Variants in FOXN3 observed in about 807,000 individuals in gnomAD.
The protein encoded by FOXN3 is forkhead box N3.
FOXN3 carries 7 observed loss-of-function variants against 38.4 expected under a neutral mutation model. The observed-to-expected ratio is 0.18, with a 90% confidence interval of 0.10 to 0.34. The LOEUF is 0.34. Ranked by LOEUF, FOXN3 falls within the 10% of genes least tolerant of loss-of-function variation. The pLI, the probability that FOXN3 is intolerant of heterozygous loss-of-function variation, is 1.00. For synonymous variants in FOXN3, 230 were observed against 242.2 expected (o/e 0.95, Z 0.47); for missense variants, 456 against 613.4 (o/e 0.74, Z 2.71).
chr14:89,254,151 A>G (rs1050740268), intron 4 of FOXN3, among the ~76,000 whole-genome samples: 3 of 152,204 alleles, frequency 2.0e-5, no homozygotes, highest in African/African-American at 7.2e-5. Context: ...GTAAAGCAGG[A>G]TCATAATGGC....
intron 2 of FOXN3, chr14:89,401,745 A>G: frequency 2.3e-6 from 1 of 441,866 alleles, no homozygotes; most frequent in Admixed American, 2.4e-5. Context: ...TAAATCACTT[A>G]TCGGTCCTGT....
At chr14:89,394,760 C>G (rs750046255) in intron 2 of FOXN3, among the ~76,000 whole-genome samples, 1 of 152,154 alleles carries the variant, frequency 6.6e-6, no homozygotes, top group Non-Finnish European at 1.5e-5. Flanking sequence ...TCTCTAATCC[C>G]GGGGTCCCAT....
At chr14:89,521,600 GA>G (rs1201982023) in intron 1 of FOXN3, among the ~76,000 whole-genome samples, 2 of 152,152 alleles carry the variant, frequency 1.3e-5, no homozygotes, top group East Asian at 3.9e-4. Context: ...AAGTCAATAT[GA>G]AGAAATAATG....
chr14:89,550,133 T>A (rs1013280730), intron 1 of FOXN3, among the ~76,000 whole-genome samples: 2 of 152,132 alleles, frequency 1.3e-5, no homozygotes, highest in Admixed American at 6.5e-5. Context: ...AGGCACTGAC[T>A]GAGCACCCAT....
chr14:89,555,888 T>TGTGTGTGTGC (rs1895113411), intron 1 of FOXN3, among the ~76,000 whole-genome samples: 1 of 119,562 alleles, frequency 8.4e-6, no homozygotes, highest in Non-Finnish European at 1.9e-5. Context: ...TGTGGGGGTG[T>TGTGTGTGTGC]ATGTGGGGGT....
At chr14:89,259,250 C>CT (rs1885722281) in intron 4 of FOXN3, among the ~76,000 whole-genome samples, 1 of 152,230 alleles carries the variant, frequency 6.6e-6, no homozygotes, top group Non-Finnish European at 1.5e-5. Flanking sequence ...TGCTGTATGA[C>CT]TGATGATCTC....
At chr14:89,578,413 T>C (rs1895676864) in intron 1 of FOXN3, among the ~76,000 whole-genome samples, 1 of 152,136 alleles carries the variant, frequency 6.6e-6, no homozygotes, top group South Asian at 2.1e-4. Flanking sequence ...TACCCAACCT[T>C]CTAGCTACAG....
At chr14:89,367,394 C>T (rs905659992) in intron 2 of FOXN3, among the ~76,000 whole-genome samples, 2 of 152,200 alleles carry the variant, frequency 1.3e-5, no homozygotes, top group South Asian at 2.1e-4. Context: ...AAGATAAATC[C>T]GAAACCATCT....
intron 1 of FOXN3, among the ~76,000 whole-genome samples, chr14:89,557,537 C>G (rs758649786): frequency 2.3e-4 from 35 of 152,180 alleles, no homozygotes; most frequent in Non-Finnish European, 4.7e-4. Flanking sequence ...TGGCCCATAT[C>G]CTGGACTACG....
chr14:89,457,190 C>G (rs1892744789), intron 1 of FOXN3, among the ~76,000 whole-genome samples: 1 of 152,178 alleles, frequency 6.6e-6, no homozygotes, highest in African/African-American at 2.4e-5. Context: ...ATGCAAGCAG[C>G]TTTAGTCAGG....
intron 4 of FOXN3, 138 bp downstream of exon 4, chr14:89,280,812 C>T (rs1042595139): frequency 3.0e-6 from 2 of 657,648 alleles, no homozygotes; most frequent in Non-Finnish European, 5.3e-6. Context: ...AGTCCCCACC[C>T]ACAACAGTCA....
intron 3 of FOXN3, among the ~76,000 whole-genome samples, chr14:89,331,664 C>A (rs777172493): frequency 3.3e-5 from 5 of 152,144 alleles, no homozygotes; most frequent in Admixed American, 3.3e-4. Flanking sequence ...TCTTCTCCAG[C>A]GTATTTTTGG....
At chr14:89,505,245 CCCCTCT>C (rs1178955185) in intron 1 of FOXN3, among the ~76,000 whole-genome samples, 29 of 148,058 alleles carry the variant, frequency 2.0e-4, no homozygotes, top group African/African-American at 4.2e-4. Context: ...GAAACACTGT[CCCCTCT>C]CCCTCTCCCT....
intron 4 of FOXN3, among the ~76,000 whole-genome samples, chr14:89,250,106 T>C (rs908657190): frequency 3.6e-4 from 55 of 152,174 alleles, no homozygotes; most frequent in African/African-American, 1.2e-3. Context: ...ATGGAGGTTT[T>C]CTGGTTTTGG....
chr14:89,467,478 T>C (rs1314952135), intron 1 of FOXN3, among the ~76,000 whole-genome samples: 1 of 152,034 alleles, frequency 6.6e-6, no homozygotes, highest in Non-Finnish European at 1.5e-5. Flanking sequence ...AAAGAAAATT[T>C]AAATGGTCCA....
chr14:89,386,421 A>G (rs1890791919), intron 2 of FOXN3, among the ~76,000 whole-genome samples: 2 of 152,210 alleles, frequency 1.3e-5, no homozygotes. Flanking sequence ...GCACAACTGC[A>G]GGAGGTGCCA....
At chr14:89,501,182 C>A (rs1893793460) in intron 1 of FOXN3, among the ~76,000 whole-genome samples, 1 of 152,058 alleles carries the variant, frequency 6.6e-6, no homozygotes, top group Non-Finnish European at 1.5e-5. Context: ...TTATGCTAAT[C>A]CTTAAGAAAA....
chr14:89,575,639 C>T (rs575841839), intron 1 of FOXN3, among the ~76,000 whole-genome samples: 1 of 152,260 alleles, frequency 6.6e-6, no homozygotes, highest in African/African-American at 2.4e-5. Context: ...ACGCTCGGGC[C>T]CTTGGAGGCT....
chr14:89,243,137 TCCTATC>T (rs762805080), intron 4 of FOXN3, among the ~76,000 whole-genome samples: 6 of 152,128 alleles, frequency 3.9e-5, no homozygotes, highest in African/African-American at 1.2e-4. Flanking sequence ...AGGAGGGGGC[TCCTATC>T]CCCAAAGGGC....
Sources: gnomAD v4.1 joint callset for allele counts (sites outside exome capture counted in the v4.1 genomes callset) on GRCh38, gnomAD v4.1.1 for gene constraint, MANE v1.5 for transcripts, NCBI Gene and HGNC (gene_info 2026-07-23, HGNC 2026-07-21) for gene names.